Variants in PIK3CA observed in about 807,000 individuals in gnomAD.
PIK3CA encodes the protein phosphatidylinositol 4,5-bisphosphate 3-kinase catalytic subunit alpha isoform.
Under a neutral mutation model 138.2 loss-of-function variants are expected in PIK3CA, and 27 were observed. The ratio of observed to expected loss-of-function variants is 0.20; its 90% CI spans 0.14 to 0.27. PIK3CA has a LOEUF of 0.27. Among genes scored for constraint, PIK3CA ranks in the 10% least tolerant of loss-of-function variants. The probability of loss-of-function intolerance (pLI) is 1.00; values close to 1 mark genes in which losing one functional copy is unlikely to be tolerated. For synonymous variants in PIK3CA, 358 were observed against 413.2 expected, an observed-to-expected ratio of 0.87 and a Z score of 1.62; for missense variants, 544 against 1,277.4, an observed-to-expected ratio of 0.43 and a Z score of 8.75.
At position 179,240,078 on chromosome 3, in the gene PIK3CA, A is replaced by G. The variant is rs1431393132; in HGVS notation, c.*5714A>G. On this transcript the variant is annotated 3_prime_UTR_variant, in exon 21 of 21. Transcript: ENST00000263967. ...TGTAACATCACGCTGTTTATTAAAAAAAAAAAGAAAAATTACTTTTTGTGT... is the reference window on the plus strand; with the variant it reads ...TGTAACATCACGCTGTTTATTAAAAGAAAAAAGAAAAATTACTTTTTGTGT... The G allele has an allele frequency of 5.3e-6, 8 of 1,522,460 alleles. No individual in the cohort carries two copies. In the East Asian group the frequency reaches 2.0e-4, roughly 38 times the overall value. 94.3% of individuals were successfully genotyped at this position (1,522,460 alleles called of 1,614,324 possible). A position where few individuals can be genotyped will look rare whatever the true frequency, so the allele number is the denominator to read the frequency against.
At chr3:179,213,526 G>T (rs1214829445) in intron 9 of PIK3CA, among the ~76,000 whole-genome samples, 1 of 152,222 alleles carries the variant, frequency 6.6e-6, no homozygotes, top group Non-Finnish European at 1.5e-5. Context: ...AGTAACGTTA[G>T]CGTGGCTACA....
At chr3:179,198,521 T>G (rs940287899) in intron 1 of PIK3CA, among the ~76,000 whole-genome samples, 10 of 152,224 alleles carry the variant, frequency 6.6e-5, no homozygotes, top group Non-Finnish European at 1.5e-4. Context: ...TTAAATGACT[T>G]TATTAAATTT....
intron 1 of PIK3CA, among the ~76,000 whole-genome samples, chr3:179,181,765 A>G (rs1266889414): frequency 1.3e-5 from 2 of 152,160 alleles, no homozygotes; most frequent in African/African-American, 4.8e-5. Context: ...AGCACCTATC[A>G]AAAGAGTATC....
chr3:179,219,872 A>T lies in PIK3CA; in HGVS notation c.1912-77A>T. On this transcript the variant is annotated intron_variant, in intron 12 of 20. Transcript: ENST00000263967. This position sits in a 1 kb window ranked among gnomAD's most constrained non-coding sequence, Gnocchi z 4.2. ...AAAAAAATTATTACCAGTAATATCC[A>T]CTTTCTTTCTGAAAAAATTTTCTTT... 2 of 1,572,450 alleles carry T rather than the reference A, an allele frequency of 1.3e-6. No individual in the cohort carries two copies. Among genetic ancestry groups the T allele is most frequent in the East Asian group, 4.5e-5 (2 of 44,402 alleles).
chr3:179,169,002 G>T (rs983249159), intron 1 of PIK3CA: 3 of 151,984 alleles, frequency 2.0e-5, no homozygotes, highest in African/African-American at 4.8e-5. Context: ...AGAAGAGAAG[G>T]TTTGGTTAAA....
In PIK3CA at chr3:179,187,265, C is replaced by T. The variant is rs1300337236; in HGVS notation, c.-76-11485C>T. 8.6e-5 allele frequency among the ~76,000 whole-genome samples: 13 copies of T among 152,004 alleles called. No individual in the cohort carries two copies. The South Asian group carries it at 1.0e-3, about 12-fold the overall frequency. On this transcript the variant is annotated intron_variant, in intron 1 of 20. Transcript: ENST00000263967. ...AGATAAGAGAAAGGGAGGCCGGGTG[C>T]GGTGGCTCACACCTGTAATCCCAGC... is the stretch of plus-strand genomic sequence containing the variant.
At chr3:179,175,549 C>T (rs1723675811) in intron 1 of PIK3CA, among the ~76,000 whole-genome samples, 2 of 151,998 alleles carry the variant, frequency 1.3e-5, no homozygotes. Context: ...GTAGTTCCCT[C>T]TCCTTTGTTT....
chr3:179,210,645 C>T (rs1724687494), intron 9 of PIK3CA, 80 bp downstream of exon 9: 1 of 1,399,626 alleles, frequency 7.1e-7, no homozygotes, highest in Non-Finnish European at 9.9e-7. Context: ...GGAAAAGGAT[C>T]CATATATTTT....
At chr3:179,193,730 G>A (rs1441374579) in intron 1 of PIK3CA, among the ~76,000 whole-genome samples, 1 of 152,204 alleles carries the variant, frequency 6.6e-6, no homozygotes, top group Non-Finnish European at 1.5e-5. Context: ...AGAAAATTAG[G>A]ATAAGCAAAA....
rs1725297688 is a variant in PIK3CA, at chr3:179,234,787, G to A, written c.*423G>A. The stretch of plus-strand genomic sequence containing the variant: ...ACAACAAAGGCTGTTATTGCATTAG[G>A]TGTAAGTAAACTGGAGTTTATGTTA... On this transcript the variant is annotated 3_prime_UTR_variant, in exon 21 of 21. Transcript: ENST00000263967. The surrounding 1 kb of genome is among the most constrained non-coding windows in gnomAD (Gnocchi z 5.1). 2 of 233,620 alleles carry A rather than the reference G, an allele frequency of 8.6e-6. No individual in the cohort carries two copies. The highest frequency in any genetic ancestry group is 1.8e-4 in the South Asian group (1 of 5,526). 14.5% of individuals were successfully genotyped at this position (233,620 alleles called of 1,614,324 possible).
At chr3:179,215,303 AT>A (rs1324475016) in intron 9 of PIK3CA, among the ~76,000 whole-genome samples, 3 of 152,194 alleles carry the variant, frequency 2.0e-5, no homozygotes, top group Non-Finnish European at 4.4e-5. Flanking sequence ...TGATGACTGT[AT>A]TCTTTCTTAA....
In PIK3CA at chr3:179,220,263, G is replaced by T. The variant is rs1393302812; in HGVS notation, c.2015+211G>T. On this transcript the variant is annotated intron_variant, in intron 13 of 20. Coordinates refer to ENST00000263967, the MANE Select transcript of PIK3CA (RefSeq NM_006218.4). This position sits in a 1 kb window ranked among gnomAD's most constrained non-coding sequence, Gnocchi z 4.1. Reference sequence around the variant, plus strand: ...AAATTCAAAACTAAATTTTAGTCATGAATGAGAGCTTAAATATTTTTAAAG... The same window carrying T: ...AAATTCAAAACTAAATTTTAGTCATTAATGAGAGCTTAAATATTTTTAAAG... Among the ~76,000 whole-genome samples, 1 of 152,062 alleles carries T rather than the reference G, an allele frequency of 6.6e-6. No homozygotes were observed. Among genetic ancestry groups the T allele is most frequent in the African/African-American group, 2.4e-5 (1 of 41,432 alleles).
Position 179,210,518 on chromosome 3 carries a change from T to C in PIK3CA, c.1492T>C (p.Trp498Arg), listed in dbSNP as rs376198913. Residue 498 changes from tryptophan to arginine, a missense_variant, in exon 9 of 21, where the codon TGG becomes CGG. By Grantham distance (101) the Trp-to-Arg change is moderately radical. Transcript: ENST00000263967. ...DMSVIEEHAN[W>R]SVSREAGFSY... Reference sequence around the variant, plus strand: ...GTCAGTGATTGAAGAGCATGCCAATTGGTCTGTATCCCGAGAAGCAGGATT... The same window carrying C: ...GTCAGTGATTGAAGAGCATGCCAATCGGTCTGTATCCCGAGAAGCAGGATT... 1.9e-6 allele frequency: 3 copies of C among 1,613,928 alleles called. No individual in the cohort carries two copies. The highest frequency in any genetic ancestry group is 2.5e-6 in the Non-Finnish European group (3 of 1,179,950).
rs188948902 is a variant in PIK3CA, at chr3:179,239,120, C to T, written c.*4756C>T. On this transcript the variant is annotated 3_prime_UTR_variant, in exon 21 of 21. Coordinates refer to ENST00000263967, the MANE Select transcript of PIK3CA (RefSeq NM_006218.4). ...GGAGGAAAAAAATTAGTCCCTTGTG[C>T]GTATACAGTAGTTAGGTAAATGATT... 1.8e-3 allele frequency: 381 copies of T among 214,030 alleles called. 1 individual carries two copies. Among genetic ancestry groups the T allele is most frequent in the Non-Finnish European group, 2.2e-3 (229 of 105,928 alleles). 13.3% of individuals were successfully genotyped at this position (214,030 alleles called of 1,614,324 possible). A position where few individuals can be genotyped will look rare whatever the true frequency, so the allele number is the denominator to read the frequency against.
chr3:179,156,456 A>G (rs774095439), intron 1 of PIK3CA, among the ~76,000 whole-genome samples: 5 of 152,160 alleles, frequency 3.3e-5, no homozygotes, highest in Middle Eastern at 3.2e-3. Flanking sequence ...AGTATATTCC[A>G]TATTTCCCTT....
chr3:179,199,932 C>G lies in PIK3CA; in HGVS notation c.562+33C>G, dbSNP rs778680107. 4.7e-6 allele frequency: 6 copies of G among 1,276,902 alleles called. No individual in the cohort carries two copies. The East Asian group carries it at 1.2e-4, about 25-fold the overall frequency. The allele number at this position is 1,276,902 out of a possible 1,614,324, so 79.1% of individuals were successfully genotyped here. A position where few individuals can be genotyped will look rare whatever the true frequency, so the allele number is the denominator to read the frequency against. The stretch of plus-strand genomic sequence containing the variant: ...AATGACTAATCTACTCTAATCATTA[C>G]TATAGTGCAGTCTTCTACCTGTGTC... On this transcript the variant is annotated intron_variant, in intron 3 of 20. Coordinates refer to ENST00000263967, the MANE Select transcript of PIK3CA (RefSeq NM_006218.4).
rs79060419 is a variant in PIK3CA, at chr3:179,169,929, T to C, written c.-77+21326T>C. ...AACACACACACATACCATAGCCAAATGGCATTTATTCTGGAAATACAAAGG... is the reference window on the plus strand; with the variant it reads ...AACACACACACATACCATAGCCAAACGGCATTTATTCTGGAAATACAAAGG... On this transcript the variant is annotated intron_variant, in intron 1 of 20. Coordinates refer to ENST00000263967, the MANE Select transcript of PIK3CA (RefSeq NM_006218.4). Among the ~76,000 whole-genome samples, 1,336 of 152,326 alleles carry C rather than the reference T, an allele frequency of 8.8e-3. 29 individuals carry two copies. Among genetic ancestry groups the C allele is most frequent in the African/African-American group, 0.031 (1,292 of 41,560 alleles).
intron 1 of PIK3CA, among the ~76,000 whole-genome samples, chr3:179,163,585 A>C (rs1723339946): frequency 6.6e-6 from 1 of 152,174 alleles, no homozygotes; most frequent in South Asian, 2.1e-4. Flanking sequence ...CCAGGATTAG[A>C]GTTCTGCAAA....
chr3:179,166,447 T>C (rs759728219), intron 1 of PIK3CA, among the ~76,000 whole-genome samples: 1 of 152,248 alleles, frequency 6.6e-6, no homozygotes, highest in Non-Finnish European at 1.5e-5. Flanking sequence ...TTTAATAAAC[T>C]TTTACATCAT....
Sources: gnomAD v4.1 joint callset for allele counts (sites outside exome capture counted in the v4.1 genomes callset) on GRCh38, gnomAD v4.1.1 for gene constraint, Gnocchi (gnomAD v3.1) non-coding constraint, MANE v1.5 for transcripts, NCBI Gene and HGNC (gene_info 2026-07-23, HGNC 2026-07-21) for gene names.